Variants in BRD4 observed in about 807,000 individuals in gnomAD.
The protein encoded by BRD4 is bromodomain containing 4.
In BRD4, 16 loss-of-function variants were observed where a neutral mutation model predicts 142.1. The observed-to-expected ratio is 0.11, with a 90% CI of 0.08 to 0.17. The LOEUF (loss-of-function observed/expected upper bound fraction) is 0.17, where lower values mean the gene tolerates loss of function less well. BRD4 is among the 10% of genes least tolerant of loss of function. BRD4 has a pLI of 1.00. For missense variants in BRD4, 1,424 were observed against 1,810.9 expected (o/e 0.79, Z 3.88); for synonymous variants, 833 against 707.5 (o/e 1.18, Z -2.82).
At chr19:15,280,557 A>C in intron 1 of BRD4, 1 of 618,806 alleles carries the variant, frequency 1.6e-6, no homozygotes, top group Non-Finnish European at 2.0e-6. Flanking sequence ...AAAACATACC[A>C]CTGTGCTGAA....
intron 1 of BRD4, among the ~76,000 whole-genome samples, chr19:15,302,668 CAAAAAAAAAAAAAA>C (rs572714842): frequency 5.3e-5 from 3 of 56,792 alleles, no homozygotes; most frequent in Non-Finnish European, 8.8e-5. Context: ...GACTCCGACT[CAAAAAAAAAAAAAA>C]AAAAAAAAAA....
intron 10 of BRD4, among the ~76,000 whole-genome samples, chr19:15,254,615 A>G (rs2047386009): frequency 6.6e-6 from 1 of 152,192 alleles, no homozygotes; most frequent in South Asian, 2.1e-4. Context: ...GCAGGGGAAG[A>G]AGAAGATCCA....
At chr19:15,324,341 A>G (rs1004120687) in intron 1 of BRD4, among the ~76,000 whole-genome samples, 6 of 152,222 alleles carry the variant, frequency 3.9e-5, no homozygotes, top group African/African-American at 1.2e-4. Flanking sequence ...TAAAGAAAAT[A>G]TATCTTTCAA....
At chr19:15,264,130 G>A (rs1193616755) in intron 6 of BRD4, 3 of 401,086 alleles carry the variant, frequency 7.5e-6, no homozygotes, top group East Asian at 4.2e-5. Context: ...GGGGCACTGG[G>A]CCCCCAAGGC....
chr19:15,311,993 T>C (rs1484101946), intron 1 of BRD4, among the ~76,000 whole-genome samples: 1 of 152,202 alleles, frequency 6.6e-6, no homozygotes, highest in African/African-American at 2.4e-5. Context: ...TTTCTAGTGA[T>C]CTGCTGCACG....
At chr19:15,262,524 T>TA (rs559468375) in intron 7 of BRD4, among the ~76,000 whole-genome samples, 4,762 of 97,610 alleles carry the variant, frequency 0.049, 112 homozygotes, top group African/African-American at 0.086. Context: ...CCCATCTCTT[T>TA]AAAAAAAAAA....
At chr19:15,298,360 G>A (rs1369024068) in intron 1 of BRD4, among the ~76,000 whole-genome samples, 4 of 151,972 alleles carry the variant, frequency 2.6e-5, no homozygotes, top group East Asian at 1.9e-4. Context: ...GTGGTTGGCC[G>A]GGCACGGTGG....
At chr19:15,330,028 A>G (rs1473146816) in intron 1 of BRD4, among the ~76,000 whole-genome samples, 1 of 152,260 alleles carries the variant, frequency 6.6e-6, no homozygotes, top group Non-Finnish European at 1.5e-5. Flanking sequence ...AGACTAGCGA[A>G]GCTAGGCATA....
chr19:15,301,159 C>T (rs949447443), intron 1 of BRD4, among the ~76,000 whole-genome samples: 5 of 152,152 alleles, frequency 3.3e-5, no homozygotes, highest in African/African-American at 1.2e-4. Context: ...ACTATGTTAA[C>T]GAAAAGAAGC....
rs574011179 is a variant in BRD4 at position 15,294,400 on chromosome 19, T to G, written c.-34-21267A>C. 6.6e-5 allele frequency among the ~76,000 whole-genome samples: 10 copies of G among 152,228 alleles called. No homozygotes were observed. The East Asian group carries it at 1.7e-3, about 26-fold the overall frequency. ...AAACACCTCATGTGAATGGGCCCAT[T>G]TGCTTCCTCTCCACTCCAAAAGGGG... On this transcript the variant is annotated intron_variant, in intron 1 of 19. Transcript: ENST00000679869.
In BRD4 at chr19:15,272,942, G is replaced by C; in HGVS notation, c.158C>G (p.Pro53Arg). The C allele has an allele frequency of 6.2e-7, 1 of 1,614,226 alleles. No homozygotes were observed. The highest frequency in any genetic ancestry group is 8.5e-7 in the Non-Finnish European group (1 of 1,180,044). Residue 53 changes from proline to arginine, a missense_variant, in exon 2 of 20, where the codon CCT becomes CGT. Coordinates refer to ENST00000679869, the MANE Select transcript of BRD4 (RefSeq NM_001379291.1). ...GTTGGTCTGCCTCTTGGGCTTGTTA[G>C]GGTTGGAGGTCTCTGGGGGCGGGGG... Reference protein sequence around the residue: ...TNPPPPETSNPNKPKRQTNQL... With the variant: ...TNPPPPETSNRNKPKRQTNQL...
rs1285462448 is a variant in BRD4, at chr19:15,255,560, G to C, written c.1784C>G (p.Pro595Arg). 6.2e-7 allele frequency: 1 copy of C among 1,609,596 alleles called. No homozygotes were observed. The highest frequency in any genetic ancestry group is 8.5e-7 in the Non-Finnish European group (1 of 1,176,188). Residue 595 changes from proline to arginine, a missense_variant, in exon 10 of 20, where the codon CCC becomes CGC. This residue lies in a region of BRD4 where 86 missense variants were observed against 78.9 expected (regional missense o/e 1.09). Transcript: ENST00000679869. Reference protein sequence around the residue: ...KKEPAPMKSKPPPTYESEEED... With the variant: ...KKEPAPMKSKRPPTYESEEED... ...TTCCTCCGACTCATACGTGGGAGGGGGCTTGCTCTTCATGGGCGCTGGCTC... is the reference window on the plus strand; with the variant it reads ...TTCCTCCGACTCATACGTGGGAGGGCGCTTGCTCTTCATGGGCGCTGGCTC...
chr19:15,251,580 G>A (rs1158817802), intron 11 of BRD4, among the ~76,000 whole-genome samples: 2 of 152,122 alleles, frequency 1.3e-5, no homozygotes, highest in East Asian at 1.9e-4. Flanking sequence ...CAGGGCTGCC[G>A]GGATTCCTGG....
At chr19:15,251,055 G>C (rs548083604) in intron 11 of BRD4, among the ~76,000 whole-genome samples, 2 of 152,322 alleles carry the variant, frequency 1.3e-5, no homozygotes, top group Admixed American at 1.3e-4. Flanking sequence ...TGGAATCAGA[G>C]GAAGTGGTAG....
chr19:15,247,955 G>A (rs991358555), intron 11 of BRD4: 3 of 222,930 alleles, frequency 1.3e-5, no homozygotes, highest in Admixed American at 5.7e-5. Context: ...TCAAGCCCAA[G>A]GAGCTGAGGA....
At position 15,314,239 on chromosome 19, in the gene BRD4, G is replaced by A. The variant is rs555957799; in HGVS notation, c.-35+18051C>T. Among the ~76,000 whole-genome samples the A allele has an allele frequency of 4.6e-5, 7 of 152,262 alleles. No homozygotes were observed. The East Asian group carries it at 5.8e-4, about 13-fold the overall frequency. ...AAATGGAGGACGTGAGGGTGTGGAC[G>A]CATAGAATGAATGAAATGAAAGATG... is the stretch of plus-strand genomic sequence containing the variant. On this transcript the variant is annotated intron_variant, in intron 1 of 19. Transcript: ENST00000679869.
chr19:15,242,255 GCAC>G lies in BRD4; in HGVS notation c.3169+642_3169+644del, dbSNP rs982233720. Among the ~76,000 whole-genome samples the G allele has an allele frequency of 7.9e-5, 12 of 152,296 alleles. No homozygotes were observed. The South Asian group carries it at 1.2e-3, about 16-fold the overall frequency. ...CAGGACCCTCCACCCTAACCCTGCA[GCAC>G]CACATCAGGAGGCACTGACCAGAAC... On this transcript the variant is annotated intron_variant, in intron 14 of 19. Transcript: ENST00000679869.
intron 1 of BRD4, among the ~76,000 whole-genome samples, chr19:15,297,206 A>G (rs2047830313): frequency 6.6e-6 from 1 of 152,220 alleles, no homozygotes; most frequent in African/African-American, 2.4e-5. Context: ...CCTCAGCTAC[A>G]TTCTTAACAA....
At chr19:15,279,093 G>A (rs952482015) in intron 1 of BRD4, among the ~76,000 whole-genome samples, 4 of 151,944 alleles carry the variant, frequency 2.6e-5, no homozygotes, top group Admixed American at 1.3e-4. Flanking sequence ...CGCCCACTTC[G>A]GCCGCCCAAA....
Sources: gnomAD v4.1 joint callset for allele counts (sites outside exome capture counted in the v4.1 genomes callset) on GRCh38, gnomAD v4.1.1 for gene constraint, gnomAD v4.1.1 regional missense constraint, MANE v1.5 for transcripts, NCBI Gene and HGNC (gene_info 2026-07-23, HGNC 2026-07-21) for gene names.